LNX1: variants seen among roughly 807,000 people sequenced by gnomAD.
LNX1 encodes ligand of numb-protein X 1.
Under a neutral mutation model 68.4 loss-of-function variants are expected in LNX1, and 54 were observed. That is an observed-to-expected ratio of 0.79 (90% CI 0.63 to 0.99). The LOEUF (loss-of-function observed/expected upper bound fraction) is 0.99, where lower values mean the gene tolerates loss of function less well. Among genes scored for constraint, LNX1 ranks in the 50% least tolerant of loss-of-function variants. LNX1 has a pLI of 0.00. For missense variants in LNX1, 906 were observed against 926.4 expected (o/e 0.98, Z 0.29); for synonymous variants, 336 against 350.0 (o/e 0.96, Z 0.45).
chr4:53,644,359 G>C (rs571670718), intron 1 of LNX1, among the ~76,000 whole-genome samples: 2 of 152,064 alleles, frequency 1.3e-5, no homozygotes, highest in Non-Finnish European at 2.9e-5. Flanking sequence ...CCGAGATCAC[G>C]CCACTGCACT....
chr4:53,564,059 A>C (rs1730467798), intron 2 of LNX1, among the ~76,000 whole-genome samples: 1 of 152,200 alleles, frequency 6.6e-6, no homozygotes, highest in South Asian at 2.1e-4. Flanking sequence ...GGCGCCTGTG[A>C]AGGACTCACT....
At chr4:53,478,065 C>T (rs1460300952) in intron 8 of LNX1, among the ~76,000 whole-genome samples, 1 of 151,968 alleles carries the variant, frequency 6.6e-6, no homozygotes, top group Non-Finnish European at 1.5e-5. Flanking sequence ...TCAAAGTAGC[C>T]CAGAATACAT....
chr4:53,627,214 G>C (rs1234103639), intron 1 of LNX1, among the ~76,000 whole-genome samples: 2 of 152,200 alleles, frequency 1.3e-5, no homozygotes, highest in Non-Finnish European at 2.9e-5. Flanking sequence ...TCCCTAGATT[G>C]TATGATGGGA....
chr4:53,496,241 C>T lies in LNX1; in HGVS notation c.1132G>A (p.Asp378Asn), dbSNP rs1221688881. ...TTGTTGAGAATCACATGAAAGCTGT[C>T]ATCTCGGGGTCTGTAGGCATCCGGG... ...QAPDAYRPRD[D>N]SFHVILNKSS... is the part of the protein sequence containing the mutation. The change falls in exon 6 of 11, where the codon GAC (aspartate) becomes AAC (asparagine). Residue 378 changes from aspartate (D) to asparagine (N), a missense_variant. Coordinates refer to ENST00000263925, the MANE Select transcript of LNX1 (RefSeq NM_001126328.3). 1 of 1,614,190 alleles carries T rather than the reference C, an allele frequency of 6.2e-7. No individual in the cohort carries two copies. The highest frequency in any genetic ancestry group is 1.7e-5 in the Admixed American group (1 of 60,024).
chr4:53,496,574 G>T, intron 5 of LNX1, 180 bp from the exon 6 acceptor site: 1 of 684,730 alleles, frequency 1.5e-6, no homozygotes, highest in Non-Finnish European at 2.4e-6. Context: ...CTCCAAGCGT[G>T]GCCTGCAGCA....
chr4:53,524,984 C>A (rs6831173), intron 2 of LNX1, among the ~76,000 whole-genome samples: 19,630 of 152,026 alleles, frequency 0.13, 1,450 homozygotes, highest in East Asian at 0.27. Context: ...AGTCTTAGAG[C>A]GTAAAGATGG....
intron 1 of LNX1, among the ~76,000 whole-genome samples, chr4:53,581,664 C>A (rs1309279987): frequency 2.6e-5 from 4 of 152,146 alleles, no homozygotes; most frequent in Non-Finnish European, 5.9e-5. Context: ...ATGAGACTTA[C>A]TCACTATCGC....
chr4:53,560,849 C>T (rs7661658), intron 2 of LNX1, among the ~76,000 whole-genome samples: 27,197 of 152,196 alleles, frequency 0.18, 3,495 homozygotes, highest in African/African-American at 0.36. Context: ...CACAATTTTC[C>T]ATTACCTGCC....
chr4:53,636,060 A>G (rs1734460579), intron 1 of LNX1, among the ~76,000 whole-genome samples: 1 of 151,956 alleles, frequency 6.6e-6, no homozygotes, highest in Non-Finnish European at 1.5e-5. Context: ...CTACATTTAC[A>G]TGAAGGAGAT....
chr4:53,559,221 G>C (rs554378910), intron 2 of LNX1, among the ~76,000 whole-genome samples: 7 of 152,298 alleles, frequency 4.6e-5, no homozygotes, highest in African/African-American at 1.7e-4. Context: ...CAGGGCTAAA[G>C]AGTTTAAATA....
chr4:53,596,545 A>G (rs1216239838), intron 2 of LNX1, among the ~76,000 whole-genome samples: 2 of 152,188 alleles, frequency 1.3e-5, no homozygotes, highest in African/African-American at 2.4e-5. Context: ...TTATGTTTCT[A>G]TGATCTCCAT....
rs746770361 is a variant in LNX1 at position 53,507,397 on chromosome 4, C to A, written c.695G>T (p.Arg232Leu). The change falls in exon 4 of 11, where the codon CGA (arginine) becomes CTA (leucine). Residue 232 changes from arginine (R) to leucine (L), a missense_variant. Coordinates refer to ENST00000263925, the MANE Select transcript of LNX1 (RefSeq NM_001126328.3). Reference protein sequence around the residue: ...KKINRALSVLRRTKSGSAVAN... With the variant: ...KKINRALSVLLRTKSGSAVAN... Reference sequence around the variant, plus strand: ...AACTGCACTCCCGCTCTTTGTCCTTCGAAGAACACTCAAAGCTCGATTTAT... The same window carrying A: ...AACTGCACTCCCGCTCTTTGTCCTTAGAAGAACACTCAAAGCTCGATTTAT... 1.2e-6 allele frequency: 2 copies of A among 1,614,108 alleles called. No homozygotes were observed. Among genetic ancestry groups the A allele is most frequent in the East Asian group, 4.5e-5 (2 of 44,866 alleles).
At chr4:53,531,594 C>T (rs369790580) in intron 2 of LNX1, among the ~76,000 whole-genome samples, 27 of 152,326 alleles carry the variant, frequency 1.8e-4, no homozygotes, top group Non-Finnish European at 3.8e-4. Context: ...GTTCTTCCTG[C>T]TCTGATGCTT....
rs376258638 is a variant in LNX1 at position 53,495,605 on chromosome 4, C to T, written c.1350+418G>A. 6.3e-5 allele frequency among the ~76,000 whole-genome samples: 9 copies of T among 143,514 alleles called. No individual in the cohort carries two copies. In the East Asian group the frequency reaches 6.4e-4, roughly 10 times the overall value. The allele number at this position is 143,514 out of a possible 152,430, so 94.2% of individuals were successfully genotyped here. On this transcript the variant is annotated intron_variant, in intron 6 of 10. Coordinates refer to ENST00000263925, the MANE Select transcript of LNX1 (RefSeq NM_001126328.3). ...TTGCTCAGGCTAGAGTGCAGTGGCA[C>T]GATCTCAGCTCACTGCAACCTCCGC...
chr4:53,470,002 T>G (rs534075180), intron 9 of LNX1, among the ~76,000 whole-genome samples: 1 of 152,316 alleles, frequency 6.6e-6, no homozygotes, highest in Non-Finnish European at 1.5e-5. Context: ...GAGGCCAGCA[T>G]TATCCTGATA....
chr4:53,462,007 T>G (rs1374657475), intron 9 of LNX1, among the ~76,000 whole-genome samples: 1 of 152,008 alleles, frequency 6.6e-6, no homozygotes, highest in Non-Finnish European at 1.5e-5. Context: ...ATCCTTTGAA[T>G]AATCTCAATG....
chr4:53,559,440 G>C (rs1302540165), intron 2 of LNX1, among the ~76,000 whole-genome samples: 1 of 152,202 alleles, frequency 6.6e-6, no homozygotes, highest in South Asian at 2.1e-4. Flanking sequence ...GCTGGGGTTA[G>C]AGAAGCTTGA....
chr4:53,521,004 A>G (rs1450915676), intron 2 of LNX1, among the ~76,000 whole-genome samples: 1 of 152,188 alleles, frequency 6.6e-6, no homozygotes, highest in Admixed American at 6.5e-5. Flanking sequence ...TACTTTTAAA[A>G]CACTTGGAGA....
At chr4:53,630,669 T>A (rs1287502064) in intron 1 of LNX1, among the ~76,000 whole-genome samples, 3 of 152,180 alleles carry the variant, frequency 2.0e-5, no homozygotes, top group East Asian at 3.9e-4. Context: ...ATGAGTTTGA[T>A]GTTAGTGAAC....
Sources: gnomAD v4.1 joint callset for allele counts (sites outside exome capture counted in the v4.1 genomes callset) on GRCh38, gnomAD v4.1.1 for gene constraint, MANE v1.5 for transcripts, NCBI Gene and HGNC (gene_info 2026-07-23, HGNC 2026-07-21) for gene names.